Variants in ITPKB observed in about 807,000 individuals in gnomAD.
ITPKB encodes IP3 3-kinase B.
Under a neutral mutation model 69.4 loss-of-function variants are expected in ITPKB, and 13 were observed. That is an observed-to-expected ratio of 0.19 (90% confidence interval 0.12 to 0.30). The LOEUF (loss-of-function observed/expected upper bound fraction) is 0.30. Among genes scored for constraint, ITPKB ranks in the 10% least tolerant of loss-of-function variants. The pLI, the probability that ITPKB is intolerant of heterozygous loss-of-function variation, is 1.00. For missense variants in ITPKB, 1,240 were observed against 1,250.5 expected (o/e 0.99, Z 0.13); for synonymous variants, 584 against 513.7 (o/e 1.14, Z -1.85).
chr1:226,699,700 C>T (rs1656587793), intron 2 of ITPKB, among the ~76,000 whole-genome samples: 1 of 151,500 alleles, frequency 6.6e-6, no homozygotes, highest in Admixed American at 6.6e-5. Flanking sequence ...CTTCATAGCA[C>T]CCAGTACAGC....
rs763306759 is a variant in ITPKB, at chr1:226,634,630, G to A, written c.*41C>T. ...AACGAGAAAGGAAGCACAGGAGGAGGAAAGGAGGCCCAGGCGGGGGCCAGG... is the reference window on the plus strand; with the variant it reads ...AACGAGAAAGGAAGCACAGGAGGAGAAAAGGAGGCCCAGGCGGGGGCCAGG... On this transcript the variant is annotated 3_prime_UTR_variant, in exon 8 of 8. Coordinates refer to ENST00000429204, the MANE Select transcript of ITPKB (RefSeq NM_002221.4). This position sits in a 1 kb window ranked among gnomAD's most constrained non-coding sequence, Gnocchi z 6.3. 2.6e-6 allele frequency: 2 copies of A among 755,776 alleles called. No individual in the cohort carries two copies. Among genetic ancestry groups the A allele is most frequent in the Non-Finnish European group, 5.0e-6 (2 of 402,744 alleles). 46.8% of individuals were successfully genotyped at this position (755,776 alleles called of 1,614,324 possible).
rs545766878 is a variant in ITPKB at position 226,728,399 on chromosome 1, C to T, written c.1932+7128G>A. The stretch of plus-strand genomic sequence containing the variant: ...TTCTTAATGGAGTTGTTGAGAAACA[C>T]GCCAGACAAGTTAGTCAAAAGCCTG... On this transcript the variant is annotated intron_variant, in intron 2 of 7. Transcript: ENST00000429204. Among the ~76,000 whole-genome samples the T allele has an allele frequency of 6.4e-4, 97 of 152,270 alleles. 1 individual carries two copies. The highest frequency in any genetic ancestry group is 2.2e-3 in the African/African-American group (90 of 41,552).
chr1:226,688,471 G>A lies in ITPKB; in HGVS notation c.1933-39700C>T, dbSNP rs574741794. ...CACTCTGTATCTTTGGCATTAGATA[G>A]TAATGAGGGCCAAGAGGAGAGGACA... On this transcript the variant is annotated intron_variant, in intron 2 of 7. Coordinates refer to ENST00000429204, the MANE Select transcript of ITPKB (RefSeq NM_002221.4). 2.0e-3 allele frequency among the ~76,000 whole-genome samples: 297 copies of A among 152,282 alleles called. 2 individuals carry two copies. Among genetic ancestry groups the A allele is most frequent in the African/African-American group, 6.8e-3 (281 of 41,562 alleles).
intron 2 of ITPKB, among the ~76,000 whole-genome samples, chr1:226,658,985 G>A (rs1281855597): frequency 4.6e-5 from 7 of 152,156 alleles, no homozygotes; most frequent in Non-Finnish European, 1.0e-4. Flanking sequence ...GAGGGCTGCC[G>A]GGTCCCTGGT....
chr1:226,726,654 C>T (rs1262742338), intron 2 of ITPKB, among the ~76,000 whole-genome samples: 1 of 151,592 alleles, frequency 6.6e-6, no homozygotes, highest in Non-Finnish European at 1.5e-5. Context: ...CCTGCCTGGG[C>T]GACAGAGTGA....
intron 2 of ITPKB, among the ~76,000 whole-genome samples, chr1:226,692,696 C>T (rs1656386125): frequency 6.6e-6 from 1 of 152,228 alleles, no homozygotes; most frequent in African/African-American, 2.4e-5. Flanking sequence ...CAAATCACCA[C>T]TCAGCTTAGT....
At chr1:226,675,855 G>A (rs991474202) in intron 2 of ITPKB, among the ~76,000 whole-genome samples, 1 of 152,076 alleles carries the variant, frequency 6.6e-6, no homozygotes, top group Admixed American at 6.5e-5. Context: ...GCATCCTCTC[G>A]GCTACACTTC....
chr1:226,684,042 G>C lies in ITPKB; in HGVS notation c.1933-35271C>G, dbSNP rs200796941. Among the ~76,000 whole-genome samples, 11 of 152,154 alleles carry C rather than the reference G, an allele frequency of 7.2e-5. No homozygotes were observed. The East Asian group carries it at 2.1e-3, about 29-fold the overall frequency. Reference sequence around the variant, plus strand: ...AACCATCTGACTTTCTGAGTGTCAGGGAAATTTCCAATCCAAAGAGTAAAT... The same window carrying C: ...AACCATCTGACTTTCTGAGTGTCAGCGAAATTTCCAATCCAAAGAGTAAAT... On this transcript the variant is annotated intron_variant, in intron 2 of 7. Transcript: ENST00000429204.
chr1:226,677,219 C>T lies in ITPKB; in HGVS notation c.1933-28448G>A, dbSNP rs907707322. 3.3e-5 allele frequency among the ~76,000 whole-genome samples: 5 copies of T among 152,338 alleles called. No individual in the cohort carries two copies. In the East Asian group the frequency reaches 5.8e-4, roughly 18 times the overall value. On this transcript the variant is annotated intron_variant, in intron 2 of 7. Transcript: ENST00000429204. Reference sequence around the variant, plus strand: ...CTCACAAGGATATTTACCGAATCAGCCCACAAGAATTTGCCAGGATCAGGG... The same window carrying T: ...CTCACAAGGATATTTACCGAATCAGTCCACAAGAATTTGCCAGGATCAGGG...
At chr1:226,684,085 A>C (rs1656147190) in intron 2 of ITPKB, among the ~76,000 whole-genome samples, 1 of 152,190 alleles carries the variant, frequency 6.6e-6, no homozygotes, top group Non-Finnish European at 1.5e-5. Context: ...CGTGAGTAGA[A>C]AAATAGCCTC....
intron 2 of ITPKB, among the ~76,000 whole-genome samples, chr1:226,653,848 G>A (rs74921431): frequency 6.6e-5 from 10 of 152,190 alleles, no homozygotes; most frequent in Non-Finnish European, 8.8e-5. Context: ...AACTCCCTAG[G>A]TGGCTGCACT....
chr1:226,687,225 G>C (rs556831259), intron 2 of ITPKB, among the ~76,000 whole-genome samples: 1 of 152,210 alleles, frequency 6.6e-6, no homozygotes, highest in African/African-American at 2.4e-5. Flanking sequence ...AGAGAAGGCA[G>C]AAATAGTGCA....
chr1:226,647,143 T>C, intron 4 of ITPKB, 24 bp downstream of exon 4: 2 of 1,608,362 alleles, frequency 1.2e-6, no homozygotes, highest in Non-Finnish European at 1.7e-6. Flanking sequence ...GGCAGGCATG[T>C]GGGCTGCGAG....
intron 7 of ITPKB, among the ~76,000 whole-genome samples, chr1:226,635,302 C>T (rs1219107109): frequency 6.6e-6 from 1 of 152,124 alleles, no homozygotes; most frequent in Non-Finnish European, 1.5e-5. Flanking sequence ...CTTACTGTAG[C>T]CTTGATCTCC....
chr1:226,724,141 G>T (rs1657335261), intron 2 of ITPKB, among the ~76,000 whole-genome samples: 1 of 152,086 alleles, frequency 6.6e-6, no homozygotes, highest in Admixed American at 6.5e-5. Flanking sequence ...CCTCATGTTA[G>T]AGATGAGGAC....
At chr1:226,723,813 G>C (rs903847348) in intron 2 of ITPKB, among the ~76,000 whole-genome samples, 3 of 152,014 alleles carry the variant, frequency 2.0e-5, no homozygotes, top group Non-Finnish European at 4.4e-5. Flanking sequence ...ACCTCTTGCC[G>C]GCAGCTGAAT....
intron 2 of ITPKB, among the ~76,000 whole-genome samples, chr1:226,686,894 G>A (rs1656228293): frequency 6.6e-6 from 1 of 152,258 alleles, no homozygotes; most frequent in Non-Finnish European, 1.5e-5. Context: ...ACTGGAGGTA[G>A]AGAAAAACGT....
chr1:226,644,251 C>A (rs1669020220), intron 4 of ITPKB, among the ~76,000 whole-genome samples: 1 of 152,206 alleles, frequency 6.6e-6, no homozygotes, highest in Admixed American at 6.5e-5. Flanking sequence ...GGGCGGGATG[C>A]CCACAGGAAG....
chr1:226,722,948 C>A (rs1036561327), intron 2 of ITPKB, among the ~76,000 whole-genome samples: 1 of 152,178 alleles, frequency 6.6e-6, no homozygotes, highest in Non-Finnish European at 1.5e-5. Context: ...CCCTGCCCCC[C>A]ACCCATTACA....
Sources: gnomAD v4.1 joint callset for allele counts (sites outside exome capture counted in the v4.1 genomes callset) on GRCh38, gnomAD v4.1.1 for gene constraint, Gnocchi (gnomAD v3.1) non-coding constraint, MANE v1.5 for transcripts, NCBI Gene and HGNC (gene_info 2026-07-23, HGNC 2026-07-21) for gene names.